The following BRINP3 variants were observed in gnomAD, a reference collection of about 807,000 sequenced individuals.
BRINP3 encodes the protein BMP/retinoic acid inducible neural specific 3, also known as BMP/retinoic acid-inducible neural-specific protein 3.
BRINP3 carries 19 observed loss-of-function variants against 71.0 expected under a neutral mutation model. The ratio of observed to expected loss-of-function variants is 0.27; its 90% CI spans 0.19 to 0.39. The LOEUF (loss-of-function observed/expected upper bound fraction) is 0.39, where lower values mean the gene tolerates loss of function less well. BRINP3 is among the 10% of genes least tolerant of loss of function. The probability of loss-of-function intolerance (pLI) is 1.00; values close to 1 mark genes in which losing one functional copy is unlikely to be tolerated. For synonymous variants in BRINP3, 380 were observed against 337.7 expected, an observed-to-expected ratio of 1.13 and a Z score of -1.37; for missense variants, 959 against 940.8, an observed-to-expected ratio of 1.02 and a Z score of -0.25.
intron 1 of BRINP3, among the ~76,000 whole-genome samples, chr1:190,473,014 A>T (rs1677244528): frequency 6.6e-6 from 1 of 151,912 alleles, no homozygotes; most frequent in Admixed American, 6.6e-5. Flanking sequence ...ACGTAATATT[A>T]TCTGATTAAA....
intron 2 of BRINP3, among the ~76,000 whole-genome samples, chr1:190,372,238 T>C (rs1669916723): frequency 6.6e-6 from 1 of 152,132 alleles, no homozygotes; most frequent in African/African-American, 2.4e-5. Flanking sequence ...TCTGCCTGCA[T>C]TGCCTCTGCA....
intron 1 of BRINP3, among the ~76,000 whole-genome samples, chr1:190,469,878 A>G (rs1677014974): frequency 6.6e-6 from 1 of 151,118 alleles, no homozygotes; most frequent in Admixed American, 6.6e-5. Flanking sequence ...TTAATATGAT[A>G]TTTGAATAAA....
At chr1:190,382,191 AT>A (rs1319386061) in intron 2 of BRINP3, among the ~76,000 whole-genome samples, 1 of 150,832 alleles carries the variant, frequency 6.6e-6, no homozygotes, top group Non-Finnish European at 1.5e-5. Context: ...GAAAAAAAAA[AT>A]CTAGATGCAT....
chr1:190,218,704 AAC>A (rs1656618622), intron 6 of BRINP3, among the ~76,000 whole-genome samples: 1 of 151,542 alleles, frequency 6.6e-6, no homozygotes. Context: ...GAAACTTTGC[AAC>A]ATTTGATGAT....
intron 4 of BRINP3, among the ~76,000 whole-genome samples, chr1:190,261,563 C>A (rs1011167592): frequency 1.3e-5 from 2 of 151,990 alleles, no homozygotes; most frequent in African/African-American, 4.8e-5. Context: ...TAAGAATTAG[C>A]GTGATAAAAG....
chr1:190,106,021 T>G (rs973943330), intron 7 of BRINP3, among the ~76,000 whole-genome samples: 1 of 152,058 alleles, frequency 6.6e-6, no homozygotes, highest in East Asian at 1.9e-4. Context: ...CTAAATCATA[T>G]ATATTAAAAT....
chr1:190,178,334 T>C (rs982516533), intron 6 of BRINP3, among the ~76,000 whole-genome samples: 1 of 152,156 alleles, frequency 6.6e-6, no homozygotes, highest in Non-Finnish European at 1.5e-5. Context: ...CCTTTCAATA[T>C]ATGTTGATTT....
intron 6 of BRINP3, among the ~76,000 whole-genome samples, chr1:190,210,623 C>A (rs989539008): frequency 3.3e-5 from 5 of 151,980 alleles, no homozygotes; most frequent in African/African-American, 7.2e-5. Context: ...TTCTTCATAC[C>A]TGAATGACAA....
At chr1:190,403,224 C>T (rs1001257915) in intron 2 of BRINP3, among the ~76,000 whole-genome samples, 5 of 152,266 alleles carry the variant, frequency 3.3e-5, no homozygotes, top group South Asian at 2.1e-4. Flanking sequence ...TGCCTAGAGA[C>T]ATATAAGCAT....
chr1:190,191,403 C>T (rs759468898), intron 6 of BRINP3, among the ~76,000 whole-genome samples: 5 of 152,116 alleles, frequency 3.3e-5, no homozygotes, highest in Non-Finnish European at 5.9e-5. Flanking sequence ...AGCTCCCTCC[C>T]CTCACCTCCA....
chr1:190,295,192 G>C (rs770100706), intron 2 of BRINP3, among the ~76,000 whole-genome samples: 2 of 152,060 alleles, frequency 1.3e-5, no homozygotes, highest in African/African-American at 4.8e-5. Context: ...GTAGAGAAGA[G>C]GGCCAGAACT....
In BRINP3 at chr1:190,342,723, A is replaced by G. The variant is rs1667746576; in HGVS notation, c.237-60973T>C. On this transcript the variant is annotated intron_variant, in intron 2 of 7. Transcript: ENST00000367462. ...CACCTCCCTTTATGATGTCAATCTA[A>G]GGGCTGAGCTAAGGGAAATAAATGT... The G allele has an allele frequency of 2.0e-5, 3 of 151,770 alleles. No homozygotes were observed. In the Admixed American group the frequency reaches 2.0e-4, roughly 10 times the overall value. The allele number at this position is 151,770 out of a possible 1,614,324, so 9.4% of individuals were successfully genotyped here.
At chr1:190,133,713 A>T (rs1166848735) in intron 7 of BRINP3, among the ~76,000 whole-genome samples, 2 of 152,142 alleles carry the variant, frequency 1.3e-5, no homozygotes, top group Non-Finnish European at 2.9e-5. Flanking sequence ...CTTGTACATC[A>T]TTACATGTTA....
At chr1:190,249,422 T>C (rs1386990339) in intron 4 of BRINP3, among the ~76,000 whole-genome samples, 2 of 151,890 alleles carry the variant, frequency 1.3e-5, no homozygotes, top group Non-Finnish European at 2.9e-5. Flanking sequence ...TAATTTCTAA[T>C]ATTATTAATT....
At chr1:190,359,791 T>C (rs1669010431) in intron 2 of BRINP3, among the ~76,000 whole-genome samples, 1 of 152,140 alleles carries the variant, frequency 6.6e-6, no homozygotes, top group Non-Finnish European at 1.5e-5. Flanking sequence ...ATTAAGCATA[T>C]ATATGGGTAT....
intron 2 of BRINP3, among the ~76,000 whole-genome samples, chr1:190,384,169 A>G (rs1441884463): frequency 3.6e-5 from 5 of 140,590 alleles, no homozygotes; most frequent in African/African-American, 4.9e-5. Flanking sequence ...TTGCCTTATC[A>G]TTGCCTTCCT....
intron 7 of BRINP3, among the ~76,000 whole-genome samples, chr1:190,135,244 G>T (rs2102366591): frequency 6.6e-6 from 1 of 152,092 alleles, no homozygotes; most frequent in Admixed American, 6.6e-5. Context: ...TGCCATGATA[G>T]AATTTTTAAA....
At chr1:190,278,382 A>T (rs1662776395) in intron 3 of BRINP3, among the ~76,000 whole-genome samples, 1 of 151,612 alleles carries the variant, frequency 6.6e-6, no homozygotes, top group Non-Finnish European at 1.5e-5. Context: ...CATTTTTTTT[A>T]AATGGAGAAA....
At chr1:190,100,479 C>G (rs761857403) in intron 7 of BRINP3, among the ~76,000 whole-genome samples, 3 of 151,992 alleles carry the variant, frequency 2.0e-5, no homozygotes, top group Non-Finnish European at 2.9e-5. Flanking sequence ...AGATAACAAG[C>G]CTTTAATATT....
Sources: gnomAD v4.1 joint callset for allele counts (sites outside exome capture counted in the v4.1 genomes callset) on GRCh38, gnomAD v4.1.1 for gene constraint, MANE v1.5 for transcripts, NCBI Gene and HGNC (gene_info 2026-07-23, HGNC 2026-07-21) for gene names.